The following ANKRD12 variants were observed in gnomAD, a reference collection of about 807,000 sequenced individuals.
The protein encoded by ANKRD12 is ankyrin repeat domain-containing protein 12.
In ANKRD12, 85 loss-of-function variants were observed where a neutral mutation model predicts 183.4. That is an observed-to-expected ratio of 0.46 (90% CI 0.39 to 0.56). ANKRD12 has a LOEUF of 0.56. Ranked by LOEUF, ANKRD12 falls within the 20% of genes least tolerant of loss-of-function variation. The probability of loss-of-function intolerance (pLI) is 0.00; values close to 1 mark genes in which losing one functional copy is unlikely to be tolerated. For missense variants in ANKRD12, 2,405 were observed against 2,357.1 expected, an observed-to-expected ratio of 1.02 and a Z score of -0.42; for synonymous variants, 914 against 800.2, an observed-to-expected ratio of 1.14 and a Z score of -2.40.
rs1048947995 is a variant in ANKRD12 at position 9,284,181 on chromosome 18, T to C, written c.*3055T>C. 6.6e-6 allele frequency: 1 copy of C among 152,328 alleles called. No individual in the cohort carries two copies. Among genetic ancestry groups the C allele is most frequent in the East Asian group, 1.9e-4 (1 of 5,188 alleles). 9.4% of individuals were successfully genotyped at this position (152,328 alleles called of 1,614,324 possible). ...CCAATAGACTTGCTTGAAGCAGGGT[T>C]GCCACAAACCTTCAATTTGTAAAAA... is the stretch of plus-strand genomic sequence containing the variant. On this transcript the variant is annotated 3_prime_UTR_variant, in exon 13 of 13. Transcript: ENST00000262126.
At chr18:9,245,779 G>A (rs1292430840) in intron 8 of ANKRD12, among the ~76,000 whole-genome samples, 2 of 152,078 alleles carry the variant, frequency 1.3e-5, no homozygotes, top group Non-Finnish European at 2.9e-5. Context: ...TGGCAGGGTT[G>A]TTTTGTCAAT....
intron 7 of ANKRD12, among the ~76,000 whole-genome samples, chr18:9,217,265 A>G (rs2036162314): frequency 6.6e-6 from 1 of 152,228 alleles, no homozygotes; most frequent in South Asian, 2.1e-4. Flanking sequence ...AGACAAAAAT[A>G]GAATTTGGAG....
chr18:9,151,300 A>G (rs890964257), intron 1 of ANKRD12, among the ~76,000 whole-genome samples: 2 of 152,212 alleles, frequency 1.3e-5, no homozygotes, highest in Non-Finnish European at 2.9e-5. Flanking sequence ...TTTATGTCTA[A>G]TGGTTTATTT....
Position 9,254,440 on chromosome 18 carries a change from T to G in ANKRD12, c.1173T>G (p.Pro391=). ...AAGAACAACGAAAAGAAAATGAACC[T>G]GAAGCAGAAAAAACTCATTTATTTG... ...LRKEQRKENE[P]EAEKTHLFAK... is the part of the protein sequence containing the mutation. The change falls in exon 9 of 13, where the codon CCT becomes CCG. Residue 391 remains proline, a synonymous_variant. Transcript: ENST00000262126. The G allele has an allele frequency of 6.3e-7, 1 of 1,577,220 alleles. No homozygotes were observed. Among genetic ancestry groups the G allele is most frequent in the Non-Finnish European group, 8.6e-7 (1 of 1,167,232 alleles).
chr18:9,177,299 C>G (rs11660889), intron 1 of ANKRD12, among the ~76,000 whole-genome samples: 1 of 152,090 alleles, frequency 6.6e-6, no homozygotes, highest in African/African-American at 2.4e-5. Context: ...GTGGCCGTAC[C>G]GCTATGCATC....
Position 9,258,546 on chromosome 18 carries a change from A to G in ANKRD12, c.5279A>G (p.Lys1760Arg). 1 of 1,613,784 alleles carries G rather than the reference A, an allele frequency of 6.2e-7. No individual in the cohort carries two copies. Among genetic ancestry groups the G allele is most frequent in the Non-Finnish European group, 8.5e-7 (1 of 1,179,906 alleles). The change falls in exon 9 of 13, where the codon AAA (lysine) becomes AGA (arginine). Residue 1760 changes from lysine (K) to arginine (R), a missense_variant. This residue lies in a region of ANKRD12 where 1,983 missense variants were observed against 1,725.9 expected (regional missense o/e 1.15). Transcript: ENST00000262126. ...GCTAGCTGTACACTATTATCAGAAA[A>G]AGACAGTGAATCCTCATCTCCTAGA... ...ILASCTLLSE[K>R]DSESSSPRGR...
chr18:9,244,710 T>C (rs1361447181), intron 8 of ANKRD12, among the ~76,000 whole-genome samples: 2 of 152,208 alleles, frequency 1.3e-5, no homozygotes, highest in Admixed American at 6.5e-5. Context: ...CCAGTAAGTA[T>C]GACGCAGGCT....
chr18:9,138,223 A>G (rs931224479), intron 1 of ANKRD12, among the ~76,000 whole-genome samples: 1 of 147,136 alleles, frequency 6.8e-6, no homozygotes, highest in Non-Finnish European at 1.5e-5. Flanking sequence ...TATTAAAAAC[A>G]TATGCACAGC....
chr18:9,251,709 G>A (rs2038309608), intron 8 of ANKRD12, among the ~76,000 whole-genome samples: 3 of 152,166 alleles, frequency 2.0e-5, no homozygotes, highest in South Asian at 4.1e-4. Flanking sequence ...CAGGAGAACT[G>A]CTTGAACCCA....
At chr18:9,264,930 G>C (rs931089279) in intron 10 of ANKRD12, among the ~76,000 whole-genome samples, 2 of 152,176 alleles carry the variant, frequency 1.3e-5, no homozygotes, top group Admixed American at 1.3e-4. Context: ...GCAGAAGACG[G>C]GTGATTTCTG....
At chr18:9,232,291 ATTTCTG>A (rs1422941626) in intron 8 of ANKRD12, among the ~76,000 whole-genome samples, 1 of 152,118 alleles carries the variant, frequency 6.6e-6, no homozygotes, top group Non-Finnish European at 1.5e-5. Flanking sequence ...TCCCTTGAGC[ATTTCTG>A]TTAAGGCAGG....
At position 9,216,821 on chromosome 18, in the gene ANKRD12, C is replaced by T. The variant is rs1427663916; in HGVS notation, c.716C>T (p.Ala239Val). ...TACGATGTTGCTAAGATACTTATAG[C>T]AGCTGGAGCAGATGTTAACACACAA... ...GYYDVAKILI[A>V]AGADVNTQGL... The change falls in exon 7 of 13, where the codon GCA (alanine) becomes GTA (valine). Residue 239 changes from alanine (A) to valine (V), a missense_variant. Transcript: ENST00000262126. 2.5e-6 allele frequency: 4 copies of T among 1,613,634 alleles called. No individual in the cohort carries two copies. Among genetic ancestry groups the T allele is most frequent in the Non-Finnish European group, 3.4e-6 (4 of 1,179,690 alleles).
intron 4 of ANKRD12, among the ~76,000 whole-genome samples, chr18:9,207,823 G>T (rs540705198): frequency 1.3e-5 from 2 of 152,244 alleles, no homozygotes; most frequent in East Asian, 3.9e-4. Flanking sequence ...CTCTGCATTT[G>T]GTTGCACAGA....
chr18:9,255,797 G>C lies in ANKRD12; in HGVS notation c.2530G>C (p.Glu844Gln). 1.3e-6 allele frequency: 2 copies of C among 1,573,176 alleles called. No individual in the cohort carries two copies. Among genetic ancestry groups the C allele is most frequent in the Non-Finnish European group, 1.7e-6 (2 of 1,168,730 alleles). The change falls in exon 9 of 13, where the codon GAA (glutamate) becomes CAA (glutamine). Residue 844 changes from glutamate to glutamine, a missense_variant. Transcript: ENST00000262126. The stretch of plus-strand genomic sequence containing the variant: ...GATGGAAAGAAAAACCTTTGAAAAA[G>C]AAAAGAAGATAAAACATGAGCATAA... ...EKMERKTFEK[E>Q]KKIKHEHKSE...
chr18:9,229,930 T>G (rs892135947), intron 8 of ANKRD12, among the ~76,000 whole-genome samples: 1 of 152,200 alleles, frequency 6.6e-6, no homozygotes, highest in Non-Finnish European at 1.5e-5. Context: ...ATAGTTTTCT[T>G]TTTTTGTTGT....
intron 6 of ANKRD12, among the ~76,000 whole-genome samples, chr18:9,216,008 G>C (rs918839813): frequency 1.4e-4 from 17 of 125,732 alleles, no homozygotes; most frequent in African/African-American, 5.0e-4. Flanking sequence ...ATTTAAGGCT[G>C]CTTTTACTTT....
chr18:9,257,341 C>T lies in ANKRD12; in HGVS notation c.4074C>T (p.Asp1358=). 1 of 1,614,118 alleles carries T rather than the reference C, an allele frequency of 6.2e-7. No homozygotes were observed. The part of the protein sequence containing the change: ...PEVFSNVPER[D]LSNVSNIHSS... ...TATTCTCAAATGTGCCTGAAAGAGACCTTTCAAATGTATCTAACATACATT... is the reference window on the plus strand; with the variant it reads ...TATTCTCAAATGTGCCTGAAAGAGATCTTTCAAATGTATCTAACATACATT... Residue 1358 remains aspartate (D), a synonymous_variant, in exon 9 of 13, where the codon GAC becomes GAT. Coordinates refer to ENST00000262126, the MANE Select transcript of ANKRD12 (RefSeq NM_015208.5).
intron 2 of ANKRD12, among the ~76,000 whole-genome samples, chr18:9,193,335 A>T (rs2034576035): frequency 6.6e-6 from 1 of 151,780 alleles, no homozygotes; most frequent in Non-Finnish European, 1.5e-5. Context: ...AAACAAGGTC[A>T]GGGTCCCCCT....
At position 9,157,553 on chromosome 18, in the gene ANKRD12, GT is replaced by G. The variant is rs1568231052; in HGVS notation, c.-52+20589del. Among the ~76,000 whole-genome samples the G allele has an allele frequency of 3.3e-5, 3 of 90,694 alleles. No individual in the cohort carries two copies. In the East Asian group the frequency reaches 8.4e-4, roughly 25 times the overall value. The allele number at this position is 90,694 out of a possible 152,430, so 59.5% of individuals were successfully genotyped here. A position where few individuals can be genotyped will look rare whatever the true frequency, so the allele number is the denominator to read the frequency against. On this transcript the variant is annotated intron_variant, in intron 1 of 12. Transcript: ENST00000262126. ...GGTAAATTTTATGGTGTGTGTGGGTGTGTGTGTGTGTGTGTGTGTGTGTGTG... is the reference window on the plus strand; with the variant it reads ...GGTAAATTTTATGGTGTGTGTGGGTGGTGTGTGTGTGTGTGTGTGTGTGTG...
Sources: allele counts gnomAD v4.1 joint callset (sites outside exome capture counted in the v4.1 genomes callset), GRCh38; gene constraint gnomAD v4.1.1; regional missense constraint gnomAD v4.1.1; transcripts MANE v1.5; gene names NCBI Gene and HGNC (gene_info 2026-07-23, HGNC 2026-07-21).